Variants in ZNF676 observed in about 807,000 individuals in gnomAD.
The protein encoded by ZNF676 is zinc finger protein 676.
A neutral mutation model predicts 6.0 loss-of-function variants in ZNF676; 4 were observed. That is an observed-to-expected ratio of 0.67 (90% CI 0.33 to 1.53). The LOEUF (loss-of-function observed/expected upper bound fraction) is 1.53. Among genes scored for constraint, ZNF676 ranks in the 40% most tolerant of loss-of-function variants. The pLI is 0.06. For missense variants in ZNF676, 644 were observed against 679.7 expected (o/e 0.95, Z 0.58); for synonymous variants, 198 against 223.1 (o/e 0.89, Z 1.00).
At chr19:22,251,259 G>A in the ZNF676 span, among the ~76,000 whole-genome samples, 1 of 152,112 alleles carries the variant, frequency 6.6e-6, no homozygotes, top group Non-Finnish European at 1.5e-5. Flanking sequence ...TAAGACTAAA[G>A]CTTTTTATGC....
At chr19:22,198,825 A>ATGTAAATATGGGCCACGGTGTAC (rs1485593476), upstream of ZNF676, among the ~76,000 whole-genome samples, 7 of 152,270 alleles carry the variant, frequency 4.6e-5, no homozygotes, top group African/African-American at 1.7e-4. Flanking sequence ...TGCCACAGTA[A>ATGTAAATATGGGCCACGGTGTAC]TGTAAATATG....
the ZNF676 span, among the ~76,000 whole-genome samples, chr19:22,225,683 T>C: frequency 1.3e-5 from 2 of 152,310 alleles, no homozygotes; most frequent in East Asian, 3.9e-4. Context: ...GTGATATTTA[T>C]GCATTCCTCT....
upstream of ZNF676, among the ~76,000 whole-genome samples, chr19:22,201,111 G>A (rs956114271): frequency 1.3e-5 from 2 of 152,146 alleles, no homozygotes; most frequent in African/African-American, 2.4e-5. Context: ...AATCTGGGTT[G>A]CCTGTCCTGA....
rs1292814051 is a variant in ZNF676, at chr19:22,180,632, T to C, written c.1085A>G (p.Glu362Gly). 1.2e-6 allele frequency: 2 copies of C among 1,613,058 alleles called. No homozygotes were observed. Among genetic ancestry groups the C allele is most frequent in the Admixed American group, 3.3e-5 (2 of 59,928 alleles). The change falls in exon 3 of 3, where the codon GAG becomes GGG. Residue 362 changes from glutamate to glycine, a missense_variant. Around this residue, in one of 5 missense-constraint regions of ZNF676, gnomAD observed 306 missense variants for 265.4 expected, o/e 1.15. Transcript: ENST00000397121. ...ACATCCTTCACATTTGTAGGGTTTC[T>C]CTCCAGTATGAATAATCTTATGTTT... ...LTKHKIIHTG[E>G]KPYKCEGCGK...
the ZNF676 span, chr19:22,243,871 C>T: frequency 2.6e-5 from 4 of 152,212 alleles, no homozygotes; most frequent in African/African-American, 9.6e-5. Context: ...GATTCAGGAG[C>T]TCACTAGCTG....
intron 2 of ZNF676, among the ~76,000 whole-genome samples, chr19:22,189,504 G>A (rs2023876954): frequency 6.6e-6 from 1 of 152,078 alleles, no homozygotes; most frequent in African/African-American, 2.4e-5. Flanking sequence ...GGCAATGAAA[G>A]CCAAAATTGA....
the ZNF676 span, among the ~76,000 whole-genome samples, chr19:22,252,006 C>T: frequency 7.9e-5 from 12 of 152,198 alleles, no homozygotes; most frequent in East Asian, 2.1e-3. Flanking sequence ...GCAAGATAAG[C>T]TTGCTCAATG....
the ZNF676 span, among the ~76,000 whole-genome samples, chr19:22,235,024 GAAAGAAAGAAAA>G: frequency 1.7e-5 from 1 of 60,004 alleles, no homozygotes; most frequent in Non-Finnish European, 3.4e-5. Context: ...AAGAAAGAAA[GAAAGAAAGAAAA>G]GAAAAGAAGG....
chr19:22,248,663 C>T, the ZNF676 span, among the ~76,000 whole-genome samples: 2 of 151,946 alleles, frequency 1.3e-5, no homozygotes, highest in African/African-American at 4.8e-5. Flanking sequence ...CTTTTCTTTC[C>T]TTCTCTCCTC....
intron 1 of ZNF676, among the ~76,000 whole-genome samples, chr19:22,208,279 C>CA (rs59454778): frequency 0.26 from 36,696 of 143,014 alleles, 4,733 homozygotes; most frequent in South Asian, 0.42. Context: ...AAAAGAAGAC[C>CA]AAAAAAAAAA....
chr19:22,246,317 G>A, the ZNF676 span, among the ~76,000 whole-genome samples: 1 of 151,866 alleles, frequency 6.6e-6, no homozygotes, highest in Non-Finnish European at 1.5e-5. Flanking sequence ...ATGTAACCTA[G>A]GTGCTGGGTC....
intron 1 of ZNF676, among the ~76,000 whole-genome samples, chr19:22,211,693 T>A (rs1318560883): frequency 6.6e-6 from 1 of 152,088 alleles, no homozygotes; most frequent in Non-Finnish European, 1.5e-5. Context: ...AATAACAGGA[T>A]ATAGAACAAA....
At chr19:22,198,850 G>C (rs1187156792), upstream of ZNF676, among the ~76,000 whole-genome samples, 2 of 152,192 alleles carry the variant, frequency 1.3e-5, no homozygotes, top group African/African-American at 4.8e-5. Context: ...ACGGTGTACT[G>C]TCCCTACCAA....
At chr19:22,200,515 A>ATTTTTTTTTTTTTTTT (rs3035052), upstream of ZNF676, among the ~76,000 whole-genome samples, 2 of 105,850 alleles carry the variant, frequency 1.9e-5, 1 homozygote, top group African/African-American at 7.7e-5. Context: ...TGCTTCATCA[A>ATTTTTTTTTTTTTTTT]TTTTTTTTTT....
At chr19:22,245,605 C>A in the ZNF676 span, among the ~76,000 whole-genome samples, 1 of 150,226 alleles carries the variant, frequency 6.7e-6, no homozygotes, top group Non-Finnish European at 1.5e-5. Context: ...AAATGCAAGA[C>A]CCAGGCAATA....
the ZNF676 span, among the ~76,000 whole-genome samples, chr19:22,229,977 A>G: frequency 6.6e-6 from 1 of 152,210 alleles, no homozygotes; most frequent in Non-Finnish European, 1.5e-5. Context: ...ATACCATTTG[A>G]CCCAGCAATC....
At chr19:22,183,260 GTAAC>G (rs2023786802) in intron 2 of ZNF676, among the ~76,000 whole-genome samples, 1 of 152,082 alleles carries the variant, frequency 6.6e-6, no homozygotes, top group Non-Finnish European at 1.5e-5. Context: ...TAAAATAAAA[GTAAC>G]TCCTTTACTT....
chr19:22,221,001 G>T, the ZNF676 span, among the ~76,000 whole-genome samples: 1 of 151,518 alleles, frequency 6.6e-6, no homozygotes, highest in African/African-American at 2.4e-5. Context: ...TCTATCAGTT[G>T]GATTTATCTT....
the ZNF676 span, among the ~76,000 whole-genome samples, chr19:22,236,237 A>G: frequency 6.6e-6 from 1 of 151,996 alleles, no homozygotes; most frequent in African/African-American, 2.4e-5. Flanking sequence ...CAGGGAGCCA[A>G]TGTAGGAGTT....
Sources: gnomAD v4.1 joint callset for allele counts (sites outside exome capture counted in the v4.1 genomes callset) on GRCh38, gnomAD v4.1.1 for gene constraint, gnomAD v4.1.1 regional missense constraint, MANE v1.5 for transcripts, NCBI Gene and HGNC (gene_info 2026-07-23, HGNC 2026-07-21) for gene names.